Variants in MICOS10 observed in about 807,000 individuals in gnomAD.
MICOS10 encodes the protein mitochondrial contact site and cristae organizing system subunit 10.
In MICOS10, 5 loss-of-function variants were observed where a neutral mutation model predicts 13.4. The observed-to-expected ratio is 0.37, with a 90% CI of 0.20 to 0.78. The LOEUF is 0.78. Among genes scored for constraint, MICOS10 ranks in the 30% least tolerant of loss-of-function variants. The pLI is 0.47. For missense variants in MICOS10, 101 were observed against 94.6 expected, an observed-to-expected ratio of 1.07 and a Z score of -0.28; for synonymous variants, 35 against 33.6, an observed-to-expected ratio of 1.04 and a Z score of -0.15.
intron 1 of MICOS10, among the ~76,000 whole-genome samples, chr1:19,599,161 A>G (rs1211946351): frequency 2.0e-5 from 3 of 152,100 alleles, no homozygotes; most frequent in Non-Finnish European, 4.4e-5. Flanking sequence ...GGCTCAAGTG[A>G]TCCTCCCACC....
intron 3 of MICOS10, among the ~76,000 whole-genome samples, chr1:19,626,125 G>A (rs1558349711): frequency 6.6e-6 from 1 of 152,296 alleles, no homozygotes; most frequent in East Asian, 1.9e-4. Flanking sequence ...CCTTCGACAG[G>A]TTTTAGGAAT....
chr1:19,611,541 A>G (rs2094861695), intron 1 of MICOS10, among the ~76,000 whole-genome samples: 1 of 135,650 alleles, frequency 7.4e-6, no homozygotes, highest in South Asian at 2.2e-4. Flanking sequence ...TGGCACAATC[A>G]CATCTCACTG....
At position 19,607,472 on chromosome 1, in the gene MICOS10, T is replaced by C. The variant is rs79233680; in HGVS notation, c.64+10363T>C. On this transcript the variant is annotated intron_variant, in intron 1 of 3. Transcript: ENST00000322753. ...CAAATATTTACTTATAAAAGTCATT[T>C]GGTGTAGTAATATTTTTACTATGGC... 1.6e-4 allele frequency among the ~76,000 whole-genome samples: 25 copies of C among 152,362 alleles called. No homozygotes were observed. In the East Asian group the frequency reaches 4.6e-3, roughly 28 times the overall value.
At chr1:19,618,916 C>T (rs1022357600) in intron 1 of MICOS10, among the ~76,000 whole-genome samples, 2 of 152,150 alleles carry the variant, frequency 1.3e-5, no homozygotes, top group Admixed American at 1.3e-4. Flanking sequence ...AATGGAGTTA[C>T]TTTGCTATTT....
In MICOS10 at chr1:19,610,952, C is replaced by CTT. The variant is rs563556500; in HGVS notation, c.65-11138_65-11137dup. Among the ~76,000 whole-genome samples, 386 of 147,080 alleles carry CTT rather than the reference C, an allele frequency of 2.6e-3. 4 individuals carry two copies. Among genetic ancestry groups the CTT allele is most frequent in the African/African-American group, 9.2e-3 (372 of 40,546 alleles). ...CTGTAGGAATTTTTTATTTATTTCT[C>CTT]TTTTTTTTTTTGAGACAGGGTCTCA... On this transcript the variant is annotated intron_variant, in intron 1 of 3. Coordinates refer to ENST00000322753, the MANE Select transcript of MICOS10 (RefSeq NM_001032363.4).
chr1:19,603,260 G>A (rs949110658), intron 1 of MICOS10, among the ~76,000 whole-genome samples: 1 of 152,160 alleles, frequency 6.6e-6, no homozygotes, highest in Non-Finnish European at 1.5e-5. Context: ...AACCCGGGAG[G>A]TAGAGGTTGC....
chr1:19,608,855 C>G (rs1382671922), intron 1 of MICOS10, among the ~76,000 whole-genome samples: 1 of 151,980 alleles, frequency 6.6e-6, no homozygotes, highest in Non-Finnish European at 1.5e-5. Flanking sequence ...ACATAAAGAT[C>G]TCTTAATTTT....
intron 1 of MICOS10, among the ~76,000 whole-genome samples, chr1:19,621,424 G>A (rs1472400518): frequency 6.6e-6 from 1 of 152,150 alleles, no homozygotes; most frequent in South Asian, 2.1e-4. Flanking sequence ...TCCCTTGAGG[G>A]GTAGTAATTG....
At chr1:19,600,629 TCTCA>T (rs1430667127) in intron 1 of MICOS10, among the ~76,000 whole-genome samples, 2 of 152,184 alleles carry the variant, frequency 1.3e-5, no homozygotes, top group Non-Finnish European at 2.9e-5. Context: ...TAAGACAAGG[TCTCA>T]CTCTGTCACC....
chr1:19,605,930 A>G (rs948993967), intron 1 of MICOS10, among the ~76,000 whole-genome samples: 8 of 152,164 alleles, frequency 5.3e-5, no homozygotes, highest in African/African-American at 1.2e-4. Flanking sequence ...TTGTGTGGCA[A>G]TTCTATGTTT....
At position 19,627,532 on chromosome 1, in the gene MICOS10, G is replaced by C. The variant is rs2094925896; in HGVS notation, c.*1131G>C. The C allele has an allele frequency of 6.6e-6, 1 of 152,240 alleles. No homozygotes were observed. Among genetic ancestry groups the C allele is most frequent in the Non-Finnish European group, 1.5e-5 (1 of 68,058 alleles). 9.4% of individuals were successfully genotyped at this position (152,240 alleles called of 1,614,324 possible). A position where few individuals can be genotyped will look rare whatever the true frequency, so the allele number is the denominator to read the frequency against. On this transcript the variant is annotated 3_prime_UTR_variant, in exon 4 of 4. Transcript: ENST00000322753. ...AATGGAGAAGAGAGGTGTAGGCAAA[G>C]TACACTGAGAACAAAGGAGAAGGAG...
In MICOS10 at chr1:19,629,342, C is replaced by G. The variant is rs1435224125; in HGVS notation, c.*2941C>G. On this transcript the variant is annotated 3_prime_UTR_variant, in exon 4 of 4. Transcript: ENST00000322753. Reference sequence around the variant, plus strand: ...ATGCTAGGATAAAGCTGTGGCGCCCCAAAAGTGGCCTGCTCTGCCAACATA... The same window carrying G: ...ATGCTAGGATAAAGCTGTGGCGCCCGAAAAGTGGCCTGCTCTGCCAACATA... 1.3e-5 allele frequency: 2 copies of G among 152,198 alleles called. No homozygotes were observed. The highest frequency in any genetic ancestry group is 2.4e-5 in the African/African-American group (1 of 41,438). 9.4% of individuals were successfully genotyped at this position (152,198 alleles called of 1,614,324 possible).
At chr1:19,597,736 C>T (rs2094798365) in intron 1 of MICOS10, 1 of 152,280 alleles carries the variant, frequency 6.6e-6, no homozygotes, top group South Asian at 2.0e-4. Context: ...TGCTCAGTGA[C>T]GGCACAAATT....
At chr1:19,621,384 A>C (rs2094902737) in intron 1 of MICOS10, among the ~76,000 whole-genome samples, 1 of 152,172 alleles carries the variant, frequency 6.6e-6, no homozygotes, top group Non-Finnish European at 1.5e-5. Flanking sequence ...GCTGTATTTC[A>C]CTGGCAGTAG....
Position 19,623,569 on chromosome 1 carries a change from G to A in MICOS10, c.208G>A (p.Gly70Arg). The change falls in exon 3 of 4, where the codon GGA becomes AGA. Residue 70 changes from glycine (G) to arginine (R), a missense_variant. By Grantham distance (125) the Gly-to-Arg change is moderately radical. Transcript: ENST00000322753. ...HDFQAPYLLH[G>R]KYVKEQEQ ...TTTCCAGGCTCCATATCTTCTACAT[G>A]GAAAATATGTCAAAGTATGTACAGA... is the stretch of plus-strand genomic sequence containing the variant. 6.3e-7 allele frequency: 1 copy of A among 1,598,238 alleles called. No homozygotes were observed. Among genetic ancestry groups the A allele is most frequent in the Non-Finnish European group, 8.6e-7 (1 of 1,165,938 alleles).
intron 3 of MICOS10, 105 bp downstream of exon 3, chr1:19,623,688 T>C (rs2094912104): frequency 1.3e-6 from 1 of 750,002 alleles, no homozygotes; most frequent in African/African-American, 1.8e-5. Context: ...ATGTGTGTCA[T>C]TGTGGCACCA....
At chr1:19,606,473 C>T (rs539137157) in intron 1 of MICOS10, among the ~76,000 whole-genome samples, 1 of 152,248 alleles carries the variant, frequency 6.6e-6, no homozygotes, top group African/African-American at 2.4e-5. Context: ...GGGCTGGGCA[C>T]GGTGGCTCAC....
At chr1:19,598,462 T>A (rs1010678524) in intron 1 of MICOS10, among the ~76,000 whole-genome samples, 1 of 152,132 alleles carries the variant, frequency 6.6e-6, no homozygotes, top group African/African-American at 2.4e-5. Flanking sequence ...AAGTAGTTAC[T>A]AGGCAATGTC....
intron 1 of MICOS10, among the ~76,000 whole-genome samples, chr1:19,603,503 G>A (rs944978513): frequency 3.3e-5 from 5 of 152,188 alleles, no homozygotes; most frequent in Non-Finnish European, 5.9e-5. Context: ...ATTTGCCAGA[G>A]GACGCTTTGA....
Sources: gnomAD v4.1 joint callset for allele counts (sites outside exome capture counted in the v4.1 genomes callset) on GRCh38, gnomAD v4.1.1 for gene constraint, MANE v1.5 for transcripts, NCBI Gene and HGNC (gene_info 2026-07-23, HGNC 2026-07-21) for gene names.